GALM: variants seen among roughly 807,000 people sequenced by gnomAD.
GALM encodes the protein aldose 1-epimerase.
A neutral mutation model predicts 37.4 loss-of-function variants in GALM; 43 were observed. The observed-to-expected ratio is 1.15, with a 90% CI of 0.90 to 1.48. GALM has a LOEUF of 1.48. Ranked by LOEUF, GALM falls within the 40% of genes most tolerant of loss-of-function variation. The pLI is 0.00. For missense variants in GALM, 456 were observed against 419.1 expected, an observed-to-expected ratio of 1.09 and a Z score of -0.77; for synonymous variants, 199 against 170.6, an observed-to-expected ratio of 1.17 and a Z score of -1.30.
intron 2 of GALM, among the ~76,000 whole-genome samples, chr2:38,677,948 T>C (rs1665299361): frequency 6.6e-6 from 1 of 151,778 alleles, no homozygotes. Flanking sequence ...AGCATTTCAT[T>C]CAATACATGG....
chr2:38,713,764 G>A (rs938678518), intron 4 of GALM, among the ~76,000 whole-genome samples: 8 of 152,030 alleles, frequency 5.3e-5, no homozygotes, highest in Non-Finnish European at 1.0e-4. Flanking sequence ...AATTAGGTGG[G>A]CATGGTGGCA....
intron 4 of GALM, among the ~76,000 whole-genome samples, chr2:38,713,921 A>G (rs79206578): frequency 7.5e-6 from 1 of 132,580 alleles, no homozygotes; most frequent in East Asian, 2.3e-4. Context: ...AAAAAAAAAA[A>G]TTTACCAGCT....
At chr2:38,724,609 T>C (rs146795729) in intron 4 of GALM, among the ~76,000 whole-genome samples, 108 of 152,264 alleles carry the variant, frequency 7.1e-4, no homozygotes, top group African/African-American at 2.4e-3. Context: ...ACAAGATAGA[T>C]TGGAGCCTTC....
At chr2:38,697,298 A>G (rs1219735354) in intron 4 of GALM, among the ~76,000 whole-genome samples, 2 of 152,006 alleles carry the variant, frequency 1.3e-5, no homozygotes, top group South Asian at 2.1e-4. Flanking sequence ...CACAGCTTCT[A>G]TTGCTTCATT....
Position 38,733,517 on chromosome 2 carries a change from T to C in GALM, c.981T>C (p.Pro327=). The change falls in exon 7 of 7, where the codon CCT becomes CCC. Residue 327 remains proline, a synonymous_variant. Coordinates refer to ENST00000272252, the MANE Select transcript of GALM (RefSeq NM_138801.3). ...QPRFPPVLLR[P]GEEYDHTTWF... ...GCTTCCCTCCTGTGCTGCTGAGGCC[T>C]GGTGAGGAGTATGACCACACCACCT... 6.2e-7 allele frequency: 1 copy of C among 1,614,076 alleles called. No individual in the cohort carries two copies.
chr2:38,714,900 G>A (rs1324918148), intron 4 of GALM, among the ~76,000 whole-genome samples: 1 of 152,170 alleles, frequency 6.6e-6, no homozygotes, highest in Non-Finnish European at 1.5e-5. Context: ...GTTTACCTGT[G>A]ATGTTTCTTT....
At chr2:38,727,720 G>A (rs1252836753) in intron 4 of GALM, among the ~76,000 whole-genome samples, 5 of 139,740 alleles carry the variant, frequency 3.6e-5, no homozygotes, top group Non-Finnish European at 7.6e-5. Flanking sequence ...GGGAGACTAC[G>A]TCTCAAAAAA....
chr2:38,684,294 T>G (rs1187172132), intron 3 of GALM, among the ~76,000 whole-genome samples: 1 of 152,158 alleles, frequency 6.6e-6, no homozygotes, highest in Admixed American at 6.5e-5. Flanking sequence ...GGTATGTAGG[T>G]TGCAGGTCGT....
chr2:38,721,071 T>C (rs1439452141), intron 4 of GALM, among the ~76,000 whole-genome samples: 1 of 152,206 alleles, frequency 6.6e-6, no homozygotes, highest in Non-Finnish European at 1.5e-5. Flanking sequence ...ACTGTGGCCA[T>C]CTTTGAAGAA....
chr2:38,676,888 T>A (rs1254606927), intron 2 of GALM, among the ~76,000 whole-genome samples: 1 of 152,162 alleles, frequency 6.6e-6, no homozygotes, highest in Non-Finnish European at 1.5e-5. Flanking sequence ...GCTGCATGGG[T>A]GCCCCCGTCC....
At chr2:38,732,160 G>A (rs1265172356) in intron 6 of GALM, among the ~76,000 whole-genome samples, 4 of 152,222 alleles carry the variant, frequency 2.6e-5, no homozygotes, top group African/African-American at 9.6e-5. Context: ...GGGTCCAAGC[G>A]ATTCTCCTGC....
chr2:38,720,008 C>A (rs1311447507), intron 4 of GALM, among the ~76,000 whole-genome samples: 3 of 151,602 alleles, frequency 2.0e-5, no homozygotes, highest in Non-Finnish European at 2.9e-5. Context: ...TTGAGACCAG[C>A]CTGGGCAAGA....
chr2:38,670,144 G>A (rs1665056062), intron 1 of GALM, among the ~76,000 whole-genome samples: 2 of 152,056 alleles, frequency 1.3e-5, no homozygotes, highest in Non-Finnish European at 2.9e-5. Context: ...GATTACAGGT[G>A]TGAGCCACCA....
At chr2:38,700,971 G>A (rs1031985278) in intron 4 of GALM, among the ~76,000 whole-genome samples, 2 of 152,120 alleles carry the variant, frequency 1.3e-5, no homozygotes, top group Admixed American at 6.6e-5. Flanking sequence ...ACTCCCTTGA[G>A]CATTTCTTAT....
intron 5 of GALM, among the ~76,000 whole-genome samples, chr2:38,730,034 G>T (rs906439281): frequency 6.6e-6 from 1 of 152,036 alleles, no homozygotes; most frequent in African/African-American, 2.4e-5. Flanking sequence ...GTGCTTTCTC[G>T]ATCTGTGACT....
chr2:38,677,557 G>A (rs559378431), intron 2 of GALM, among the ~76,000 whole-genome samples: 151 of 152,286 alleles, frequency 9.9e-4, no homozygotes, highest in Non-Finnish European at 1.8e-3. Context: ...AGAAAGTAAG[G>A]CCCAGCCTGG....
rs1324557203 is a variant in GALM, at chr2:38,681,426, A to G, written c.492A>G (p.Gln164=). 6.2e-7 allele frequency: 1 copy of G among 1,614,100 alleles called. No individual in the cohort carries two copies. The highest frequency in any genetic ancestry group is 1.3e-5 in the African/African-American group (1 of 74,940). The part of the protein sequence containing the change: ...GGELIVNYRA[Q]ASQATPVNLT... ...AGCTCATAGTCAACTACAGAGCACA[A>G]GCCAGTCAGGCCACACCAGTCAACC... The change falls in exon 3 of 7, where the codon CAA becomes CAG. Residue 164 remains glutamine (Q), a synonymous_variant. Transcript: ENST00000272252.
intron 4 of GALM, among the ~76,000 whole-genome samples, chr2:38,705,170 C>T (rs1400738938): frequency 6.6e-6 from 1 of 152,178 alleles, no homozygotes; most frequent in Non-Finnish European, 1.5e-5. Flanking sequence ...TTCACATCTA[C>T]CCTTCCTCCA....
At chr2:38,675,763 G>A (rs1042999325) in intron 1 of GALM, 149 bp from the exon 2 acceptor site, 2 of 684,268 alleles carry the variant, frequency 2.9e-6, no homozygotes, top group Non-Finnish European at 5.0e-6. Flanking sequence ...TAGAGACAGG[G>A]TTTCACCGTG....
Sources: gnomAD v4.1 joint callset for allele counts (sites outside exome capture counted in the v4.1 genomes callset) on GRCh38, gnomAD v4.1.1 for gene constraint, MANE v1.5 for transcripts, NCBI Gene and HGNC (gene_info 2026-07-23, HGNC 2026-07-21) for gene names.